Variants in ELAPOR2 observed in about 807,000 individuals in gnomAD.
ELAPOR2 encodes the protein endosome-lysosome associated apoptosis and autophagy regulator family member 2.
A neutral mutation model predicts 120.7 loss-of-function variants in ELAPOR2; 89 were observed. That is an observed-to-expected ratio of 0.74 (90% confidence interval 0.62 to 0.88). The LOEUF is 0.88. Among genes scored for constraint, ELAPOR2 ranks in the 40% least tolerant of loss-of-function variants. The pLI, the probability that ELAPOR2 is intolerant of heterozygous loss-of-function variation, is 0.00. For missense variants in ELAPOR2, 1,134 were observed against 1,251.6 expected, an observed-to-expected ratio of 0.91 and a Z score of 1.42; for synonymous variants, 444 against 444.9, an observed-to-expected ratio of 1.00 and a Z score of 0.03.
In ELAPOR2 at chr7:86,893,111, A is replaced by C; in HGVS notation, c.2686-11T>G. 1 of 1,531,124 alleles carries C rather than the reference A, an allele frequency of 6.5e-7. No individual in the cohort carries two copies. Among genetic ancestry groups the C allele is most frequent in the Non-Finnish European group, 8.7e-7 (1 of 1,149,126 alleles). 94.8% of individuals were successfully genotyped at this position (1,531,124 alleles called of 1,614,324 possible). ...CACATACAAGGTTTCCTTTAAAAAA[A>C]AAAACATAAAACCATAGAAGACATG... is the stretch of plus-strand genomic sequence containing the variant. On this transcript the variant is annotated splice_polypyrimidine_tract_variant and intron_variant, in intron 19 of 21. Coordinates refer to ENST00000450689, the MANE Select transcript of ELAPOR2 (RefSeq NM_001142749.3).
At chr7:86,979,966 G>A (rs981905809) in intron 1 of ELAPOR2, among the ~76,000 whole-genome samples, 1 of 152,082 alleles carries the variant, frequency 6.6e-6, no homozygotes, top group African/African-American at 2.4e-5. Flanking sequence ...GCTGCTAAAA[G>A]CCTAAAACAA....
At chr7:87,040,554 C>T (rs1166036002) in intron 1 of ELAPOR2, among the ~76,000 whole-genome samples, 2 of 152,116 alleles carry the variant, frequency 1.3e-5, no homozygotes, top group Non-Finnish European at 1.5e-5. Flanking sequence ...GCTGAGGGTC[C>T]TGTCTGTTAG....
intron 13 of ELAPOR2, 141 bp from the exon 14 acceptor site, chr7:86,913,345 A>G (rs952267089): frequency 1.7e-5 from 13 of 771,738 alleles, no homozygotes; most frequent in Non-Finnish European, 2.6e-5. Flanking sequence ...GATTAATATC[A>G]CTGCTATTTG....
intron 1 of ELAPOR2, among the ~76,000 whole-genome samples, chr7:87,036,377 G>C (rs563471067): frequency 1.2e-4 from 18 of 152,222 alleles, no homozygotes; most frequent in Admixed American, 6.5e-4. Context: ...CCAACTACTC[G>C]GGAGGCTGAG....
intron 2 of ELAPOR2, among the ~76,000 whole-genome samples, chr7:86,949,043 A>G (rs1791122452): frequency 6.6e-6 from 1 of 152,258 alleles, no homozygotes; most frequent in Admixed American, 6.5e-5. Flanking sequence ...TTAAAGAATT[A>G]GAGCTAAAAT....
At chr7:87,052,606 A>C (rs1795142337) in intron 1 of ELAPOR2, among the ~76,000 whole-genome samples, 1 of 152,106 alleles carries the variant, frequency 6.6e-6, no homozygotes, top group Admixed American at 6.6e-5. Flanking sequence ...CAACTTCCTA[A>C]CTAATGTTGA....
intron 15 of ELAPOR2, among the ~76,000 whole-genome samples, chr7:86,910,386 T>A (rs1052719997): frequency 1.1e-4 from 17 of 152,140 alleles, no homozygotes; most frequent in African/African-American, 4.1e-4. Flanking sequence ...AGCTTCAGTG[T>A]CAAAGAAAAA....
At position 87,050,342 on chromosome 7, in the gene ELAPOR2, G is replaced by A. The variant is rs192487245; in HGVS notation, c.189+8983C>T. 1.4e-3 allele frequency among the ~76,000 whole-genome samples: 216 copies of A among 152,168 alleles called. 2 individuals are homozygous for A. Among genetic ancestry groups the A allele is most frequent in the Non-Finnish European group, 6.3e-4 (43 of 68,012 alleles). ...CATGGGGGCGGATTGCTCATGGCTTGGTGCTATCTTTGCAATAGTGAGTTC... is the reference window on the plus strand; with the variant it reads ...CATGGGGGCGGATTGCTCATGGCTTAGTGCTATCTTTGCAATAGTGAGTTC... On this transcript the variant is annotated intron_variant, in intron 1 of 21. Coordinates refer to ENST00000450689, the MANE Select transcript of ELAPOR2 (RefSeq NM_001142749.3).
chr7:86,962,717 G>A (rs970234091), intron 2 of ELAPOR2, among the ~76,000 whole-genome samples: 19 of 152,180 alleles, frequency 1.2e-4, no homozygotes, highest in African/African-American at 4.3e-4. Context: ...TATCTGAGAT[G>A]GCTGTTGTGA....
chr7:86,943,650 T>A (rs1214111075), intron 4 of ELAPOR2, among the ~76,000 whole-genome samples: 1 of 152,016 alleles, frequency 6.6e-6, no homozygotes, highest in Non-Finnish European at 1.5e-5. Context: ...TATTGGGCAA[T>A]ACAAATCTAA....
intron 1 of ELAPOR2, among the ~76,000 whole-genome samples, chr7:87,042,642 C>T (rs936677691): frequency 2.6e-5 from 4 of 151,868 alleles, no homozygotes; most frequent in African/African-American, 4.8e-5. Flanking sequence ...GCACTAAATG[C>T]CCACAAGAGA....
At chr7:86,917,764 A>G (rs1336197196) in intron 12 of ELAPOR2, among the ~76,000 whole-genome samples, 1 of 152,148 alleles carries the variant, frequency 6.6e-6, no homozygotes, top group African/African-American at 2.4e-5. Context: ...ATCACGGAGA[A>G]AACTGTTAAT....
chr7:87,052,776 C>CTTTTGTTGTTTTG (rs1795150916), intron 1 of ELAPOR2, among the ~76,000 whole-genome samples: 1 of 146,994 alleles, frequency 6.8e-6, no homozygotes, highest in East Asian at 2.0e-4. Context: ...GGTTTGTTTT[C>CTTTTGTTGTTTTG]TTTTGTTTTG....
At chr7:86,929,355 G>A (rs1484024691) in intron 8 of ELAPOR2, among the ~76,000 whole-genome samples, 1 of 151,886 alleles carries the variant, frequency 6.6e-6, no homozygotes, top group Non-Finnish European at 1.5e-5. Flanking sequence ...TTTTTAAAAG[G>A]TCTACCAACT....
chr7:86,887,369 C>G lies in ELAPOR2; in HGVS notation c.3030+4355G>C, dbSNP rs943802702. Among the ~76,000 whole-genome samples, 11 of 152,200 alleles carry G rather than the reference C, an allele frequency of 7.2e-5. 1 individual carries two copies. Among genetic ancestry groups the G allele is most frequent in the African/African-American group, 2.6e-4 (11 of 41,558 alleles). ...TGCAGAGGTTACTGCAGATGCCAGA[C>G]TTGGGACTCATGCCAAAAGTTGACC... On this transcript the variant is annotated intron_variant, in intron 21 of 21. Coordinates refer to ENST00000450689, the MANE Select transcript of ELAPOR2 (RefSeq NM_001142749.3).
At chr7:86,907,207 G>A (rs887059514) in intron 18 of ELAPOR2, among the ~76,000 whole-genome samples, 4 of 151,934 alleles carry the variant, frequency 2.6e-5, no homozygotes, top group Admixed American at 6.6e-5. Flanking sequence ...GCTAGAAATC[G>A]ATAATATAAA....
At chr7:86,967,285 C>T (rs561808274) in intron 1 of ELAPOR2, among the ~76,000 whole-genome samples, 1 of 152,128 alleles carries the variant, frequency 6.6e-6, no homozygotes, top group Non-Finnish European at 1.5e-5. Context: ...CATGGCGAAA[C>T]CCTGTCTCTA....
chr7:86,924,779 A>G (rs754863761), intron 10 of ELAPOR2, among the ~76,000 whole-genome samples: 10 of 151,932 alleles, frequency 6.6e-5, no homozygotes, highest in Non-Finnish European at 1.0e-4. Context: ...TTTAAAACGT[A>G]TGTGTTAAAA....
At chr7:86,976,604 C>T (rs1163653028) in intron 1 of ELAPOR2, among the ~76,000 whole-genome samples, 1 of 152,112 alleles carries the variant, frequency 6.6e-6, no homozygotes, top group Non-Finnish European at 1.5e-5. Flanking sequence ...GTTTTGAAAA[C>T]TGAATAGACA....
Sources: allele counts gnomAD v4.1 joint callset (sites outside exome capture counted in the v4.1 genomes callset), GRCh38; gene constraint gnomAD v4.1.1; transcripts MANE v1.5; gene names NCBI Gene and HGNC (gene_info 2026-07-23, HGNC 2026-07-21).